The following CSMD2 variants were observed in gnomAD, a reference collection of about 807,000 sequenced individuals.
CSMD2 encodes the protein CUB and sushi domain-containing protein 2.
A neutral mutation model predicts 398.5 loss-of-function variants in CSMD2; 130 were observed. The observed-to-expected ratio is 0.33, with a 90% confidence interval of 0.28 to 0.38. The LOEUF is 0.38. Ranked by LOEUF, CSMD2 falls within the 10% of genes least tolerant of loss-of-function variation. The pLI, the probability that CSMD2 is intolerant of heterozygous loss-of-function variation, is 1.00. For missense variants in CSMD2, 3,829 were observed against 4,764.9 expected (o/e 0.80, Z 5.78); for synonymous variants, 1,828 against 1,908.5 (o/e 0.96, Z 1.10).
At chr1:33,907,099 G>T (rs951499743) in intron 5 of CSMD2, among the ~76,000 whole-genome samples, 4 of 150,380 alleles carry the variant, frequency 2.7e-5, no homozygotes, top group Middle Eastern at 6.8e-3. Context: ...GGTGGGGTTG[G>T]TTATTTGATG....
intron 13 of CSMD2, among the ~76,000 whole-genome samples, chr1:33,760,902 C>T (rs79940248): frequency 0.019 from 2,863 of 152,112 alleles, 36 homozygotes; most frequent in South Asian, 0.03. Flanking sequence ...CTTACCACAC[C>T]CTCAATCCAG....
At chr1:34,131,230 G>A (rs1275594651) in intron 1 of CSMD2, among the ~76,000 whole-genome samples, 2 of 152,160 alleles carry the variant, frequency 1.3e-5, no homozygotes, top group African/African-American at 4.8e-5. Flanking sequence ...TTACAGATGA[G>A]GACACTGAGG....
At chr1:33,568,993 T>C (rs1288701065) in intron 52 of CSMD2, among the ~76,000 whole-genome samples, 1 of 152,246 alleles carries the variant, frequency 6.6e-6, no homozygotes, top group Non-Finnish European at 1.5e-5. Context: ...ATATGTTGTG[T>C]GTAAAATTTG....
intron 5 of CSMD2, among the ~76,000 whole-genome samples, chr1:33,913,936 A>AT (rs759869278): frequency 6.6e-6 from 1 of 152,010 alleles, no homozygotes; most frequent in Non-Finnish European, 1.5e-5. Flanking sequence ...TTCTCAACCA[A>AT]TGGAGAGGTC....
intron 3 of CSMD2, among the ~76,000 whole-genome samples, chr1:33,978,631 GGA>G (rs1646053863): frequency 6.6e-6 from 1 of 152,100 alleles, no homozygotes; most frequent in East Asian, 1.9e-4. Flanking sequence ...TGCTCTAGGT[GGA>G]GAGAACAGCA....
rs897989575 is a variant in CSMD2 at position 33,907,379 on chromosome 1, G to A, written c.920+10715C>T. ...CCTGACCTCGTGATCCGCCCACCTC[G>A]GCCTCCCAAGGTGCTGGGATTACAG... On this transcript the variant is annotated intron_variant, in intron 5 of 70. Transcript: ENST00000373381. Among the ~76,000 whole-genome samples the A allele has an allele frequency of 4.6e-5, 7 of 151,536 alleles. 1 individual carries two copies. Among genetic ancestry groups the A allele is most frequent in the South Asian group, 4.2e-4 (2 of 4,798 alleles).
At chr1:33,864,306 A>G in intron 5 of CSMD2, 1 of 1,613,900 alleles carries the variant, frequency 6.2e-7, no homozygotes, top group South Asian at 1.1e-5. Context: ...TGTTGGCTTT[A>G]AAGAGTTCTC....
At chr1:33,771,918 C>T (rs1229762083) in intron 13 of CSMD2, among the ~76,000 whole-genome samples, 1 of 152,134 alleles carries the variant, frequency 6.6e-6, no homozygotes, top group Non-Finnish European at 1.5e-5. Context: ...TTGCCAATCC[C>T]AACGCGACTG....
At chr1:33,840,182 G>A (rs1372284782) in intron 6 of CSMD2, 3 of 152,168 alleles carry the variant, frequency 2.0e-5, no homozygotes, top group African/African-American at 4.8e-5. Context: ...AGCCATGTGG[G>A]GTTATTCACT....
chr1:34,062,564 T>C (rs1392565684), intron 2 of CSMD2, among the ~76,000 whole-genome samples: 1 of 152,000 alleles, frequency 6.6e-6, no homozygotes, highest in Non-Finnish European at 1.5e-5. Flanking sequence ...AGGGAGGGGC[T>C]CCGGGGGCAA....
intron 29 of CSMD2, among the ~76,000 whole-genome samples, chr1:33,643,476 A>C (rs1365323846): frequency 2.6e-5 from 4 of 152,234 alleles, no homozygotes; most frequent in Admixed American, 1.3e-4. Flanking sequence ...GGTGGGATGA[A>C]AGTGGGTGGA....
intron 3 of CSMD2, among the ~76,000 whole-genome samples, chr1:34,024,351 C>A (rs1173241716): frequency 6.6e-6 from 1 of 152,250 alleles, no homozygotes; most frequent in Non-Finnish European, 1.5e-5. Context: ...TCCTCCTCAT[C>A]ACTGTTTCTC....
chr1:34,130,838 C>T (rs2148497037), intron 1 of CSMD2, among the ~76,000 whole-genome samples: 1 of 152,134 alleles, frequency 6.6e-6, no homozygotes, highest in East Asian at 1.9e-4. Flanking sequence ...TTTCAAGGGC[C>T]TCCTTCCCAG....
chr1:34,025,112 G>A (rs981640253), intron 3 of CSMD2, among the ~76,000 whole-genome samples: 2 of 152,096 alleles, frequency 1.3e-5, no homozygotes, highest in African/African-American at 2.4e-5. Context: ...CCTAACCTGC[G>A]TCTCCTGGAA....
intron 2 of CSMD2, among the ~76,000 whole-genome samples, chr1:34,075,335 G>A (rs1656209501): frequency 1.3e-5 from 2 of 152,232 alleles, no homozygotes; most frequent in South Asian, 4.1e-4. Flanking sequence ...CGTCCCTATT[G>A]ATGTGCAAGG....
At chr1:33,612,069 A>T (rs1478648219) in intron 40 of CSMD2, among the ~76,000 whole-genome samples, 1 of 152,196 alleles carries the variant, frequency 6.6e-6, no homozygotes, top group Non-Finnish European at 1.5e-5. Flanking sequence ...CCTGCTAGGA[A>T]TATTTGCTGG....
chr1:34,103,712 T>G (rs1413366495), intron 1 of CSMD2, among the ~76,000 whole-genome samples: 1 of 152,046 alleles, frequency 6.6e-6, no homozygotes, highest in Non-Finnish European at 1.5e-5. Flanking sequence ...TCTTTTGTAT[T>G]AGGTTGGTGC....
At position 33,518,285 on chromosome 1, in the gene CSMD2, G is replaced by A. The variant is rs945565587; in HGVS notation, c.*53+1180C>T. 6.6e-6 allele frequency among the ~76,000 whole-genome samples: 1 copy of A among 152,216 alleles called. No homozygotes were observed. The highest frequency in any genetic ancestry group is 2.4e-5 in the African/African-American group (1 of 41,458). On this transcript the variant is annotated intron_variant, in intron 70 of 70. Coordinates refer to ENST00000373381, the MANE Select transcript of CSMD2 (RefSeq NM_001281956.2). The surrounding 1 kb of genome is among the most constrained non-coding windows in gnomAD (Gnocchi z 4.3). ...AGGGTCATAGGTCCCAGAGGTGAGG[G>A]TGTCATCGAAGGAGGACACAGTGAG...
intron 3 of CSMD2, among the ~76,000 whole-genome samples, chr1:33,955,251 C>T (rs35521053): frequency 6.6e-6 from 1 of 152,132 alleles, no homozygotes; most frequent in Non-Finnish European, 1.5e-5. Flanking sequence ...TTTTCCCCCA[C>T]GAGGCGCCGC....
Sources: allele counts gnomAD v4.1 joint callset (sites outside exome capture counted in the v4.1 genomes callset), GRCh38; gene constraint gnomAD v4.1.1; non-coding constraint Gnocchi (gnomAD v3.1); transcripts MANE v1.5; gene names NCBI Gene and HGNC (gene_info 2026-07-23, HGNC 2026-07-21).